WWP2: variants seen among roughly 807,000 people sequenced by gnomAD.
WWP2 encodes WW domain containing E3 ubiquitin protein ligase 2.
In WWP2, 57 loss-of-function variants were observed where a neutral mutation model predicts 121.0. The observed-to-expected ratio is 0.47, with a 90% CI of 0.38 to 0.59. The LOEUF is 0.59. WWP2 is among the 20% of genes least tolerant of loss of function. The pLI is 0.00. For missense variants in WWP2, 962 were observed against 1,158.9 expected, an observed-to-expected ratio of 0.83 and a Z score of 2.47; for synonymous variants, 449 against 441.3, an observed-to-expected ratio of 1.02 and a Z score of -0.22.
At chr16:69,895,449 A>G (rs554174925) in intron 8 of WWP2, among the ~76,000 whole-genome samples, 12 of 152,342 alleles carry the variant, frequency 7.9e-5, no homozygotes, top group African/African-American at 2.9e-4. Flanking sequence ...ACACATGTGG[A>G]TATTACAGCA....
At chr16:69,898,892 CG>C (rs781536706) in intron 8 of WWP2, among the ~76,000 whole-genome samples, 2 of 152,100 alleles carry the variant, frequency 1.3e-5, no homozygotes, top group Non-Finnish European at 2.9e-5. Flanking sequence ...TTAGTAGAGA[CG>C]GGAATTCACC....
intron 19 of WWP2, 167 bp from the exon 20 acceptor site, chr16:69,936,951 A>T: frequency 1.2e-6 from 1 of 859,716 alleles, no homozygotes. Flanking sequence ...GGTCACTGTG[A>T]GGTTTTCAGG....
chr16:69,807,037 T>C (rs550161953), intron 4 of WWP2, among the ~76,000 whole-genome samples: 5 of 152,066 alleles, frequency 3.3e-5, no homozygotes, highest in African/African-American at 1.2e-4. Flanking sequence ...TCTTTGTCTT[T>C]TTTTTTTTGA....
At chr16:69,767,892 C>A (rs947977711) in intron 1 of WWP2, among the ~76,000 whole-genome samples, 1 of 152,206 alleles carries the variant, frequency 6.6e-6, no homozygotes, top group Non-Finnish European at 1.5e-5. Context: ...GGCTGAAGTA[C>A]AGTGGCATGA....
At chr16:69,765,984 T>C (rs1174746309) in intron 1 of WWP2, among the ~76,000 whole-genome samples, 1 of 152,116 alleles carries the variant, frequency 6.6e-6, no homozygotes, top group African/African-American at 2.4e-5. Context: ...CTCTAAATAC[T>C]ATCCACATGC....
At position 69,774,966 on chromosome 16, in the gene WWP2, C is replaced by CA. The variant is rs58896866; in HGVS notation, c.-15-12014dup. ...CCTGGGTGACAGAGCAAGACTGTCTCAAAAAAAAAAAAAAAAGAAAAGAAA... is the reference window on the plus strand; with the variant it reads ...CCTGGGTGACAGAGCAAGACTGTCTCAAAAAAAAAAAAAAAAAGAAAAGAAA... On this transcript the variant is annotated intron_variant, in intron 1 of 23. Transcript: ENST00000359154. 318 of 88,698 alleles carry CA rather than the reference C, an allele frequency of 3.6e-3. 2 individuals carry two copies. In the Middle Eastern group the frequency reaches 0.037, roughly 10 times the overall value. The allele number at this position is 88,698 out of a possible 1,614,324, so 5.5% of individuals were successfully genotyped here.
intron 2 of WWP2, among the ~76,000 whole-genome samples, chr16:69,796,023 T>TC (rs986246968): frequency 6.6e-6 from 1 of 151,596 alleles, no homozygotes; most frequent in African/African-American, 2.4e-5. Flanking sequence ...TTTCTTTCTT[T>TC]TTTTTTTTGC....
Position 69,868,282 on chromosome 16 carries a change from A to G in WWP2, c.576-3522A>G, listed in dbSNP as rs1341256284. Reference sequence around the variant, plus strand: ...GGGCTGATCCCGCCCTGCCCAGCCCATCATTCAGGGTAAGCCGCTATCATT... The same window carrying G: ...GGGCTGATCCCGCCCTGCCCAGCCCGTCATTCAGGGTAAGCCGCTATCATT... On this transcript the variant is annotated intron_variant, in intron 6 of 23. Transcript: ENST00000359154. Among the ~76,000 whole-genome samples the G allele has an allele frequency of 3.3e-5, 5 of 151,970 alleles. 1 individual carries two copies. The highest frequency in any genetic ancestry group is 1.3e-4 in the Admixed American group (2 of 15,276).
Position 69,799,377 on chromosome 16 carries a change from C to T in WWP2, c.340+82C>T, listed in dbSNP as rs888914380. On this transcript the variant is annotated intron_variant, in intron 4 of 23. Coordinates refer to ENST00000359154, the MANE Select transcript of WWP2 (RefSeq NM_001270454.2). This position sits in a 1 kb window ranked among gnomAD's most constrained non-coding sequence, Gnocchi z 4.5. ...GCAGATCAACCTGGTATTGCAATTT[C>T]CCCCAGGACTAGGGGCTGCAGTACC... 15 of 1,539,580 alleles carry T rather than the reference C, an allele frequency of 9.7e-6. No individual in the cohort carries two copies. Among genetic ancestry groups the T allele is most frequent in the Non-Finnish European group, 1.3e-5 (15 of 1,140,776 alleles).
intron 4 of WWP2, among the ~76,000 whole-genome samples, chr16:69,812,080 T>C (rs540582886): frequency 1.5e-4 from 23 of 152,118 alleles, no homozygotes; most frequent in Admixed American, 3.9e-4. Flanking sequence ...TCCTGTGTCT[T>C]TAAATCTGGA....
At chr16:69,832,436 A>G (rs764961004) in intron 4 of WWP2, among the ~76,000 whole-genome samples, 1 of 152,188 alleles carries the variant, frequency 6.6e-6, no homozygotes, top group African/African-American at 2.4e-5. Context: ...CATGATGCCA[A>G]TTTCATACCT....
At chr16:69,870,674 G>C (rs1017886985) in intron 6 of WWP2, among the ~76,000 whole-genome samples, 1 of 152,148 alleles carries the variant, frequency 6.6e-6, no homozygotes, top group Non-Finnish European at 1.5e-5. Context: ...CTGTTTCTCT[G>C]TCTGGAGAGG....
intron 7 of WWP2, among the ~76,000 whole-genome samples, chr16:69,876,282 A>G (rs2057733956): frequency 6.6e-6 from 1 of 151,400 alleles, no homozygotes; most frequent in Admixed American, 6.6e-5. Flanking sequence ...CACATCCATC[A>G]GAGGAATCAT....
At chr16:69,828,069 CTTT>C in intron 4 of WWP2, 1 of 314,688 alleles carries the variant, frequency 3.2e-6, no homozygotes, top group East Asian at 8.6e-5. Flanking sequence ...TGCATATGTA[CTTT>C]TTTTTTTAAG....
intron 8 of WWP2, among the ~76,000 whole-genome samples, chr16:69,904,985 G>A (rs1400297167): frequency 2.6e-5 from 4 of 152,204 alleles, no homozygotes; most frequent in African/African-American, 9.6e-5. Context: ...ACCCAAATTA[G>A]GAGTATATGT....
chr16:69,820,435 G>T (rs1286594958), intron 4 of WWP2, among the ~76,000 whole-genome samples: 1 of 78,778 alleles, frequency 1.3e-5, no homozygotes, highest in African/African-American at 3.0e-5. Context: ...GTAGAGATGG[G>T]ATTTCACCAT....
At chr16:69,890,291 G>A (rs192556933) in intron 8 of WWP2, among the ~76,000 whole-genome samples, 23 of 152,166 alleles carry the variant, frequency 1.5e-4, no homozygotes, top group African/African-American at 1.9e-4. Context: ...CCTAACTCCC[G>A]TCTGTTCAGA....
At chr16:69,869,579 CAA>C (rs1327186632) in intron 6 of WWP2, among the ~76,000 whole-genome samples, 1 of 151,886 alleles carries the variant, frequency 6.6e-6, no homozygotes, top group African/African-American at 2.4e-5. Flanking sequence ...CTCTTGAGCT[CAA>C]GTGCCGTCCC....
intron 8 of WWP2, among the ~76,000 whole-genome samples, chr16:69,902,712 C>T (rs939843694): frequency 5.3e-5 from 8 of 152,074 alleles, no homozygotes; most frequent in Non-Finnish European, 1.0e-4. Flanking sequence ...GACAGGGATG[C>T]GCTGATGAAA....
Sources: gnomAD v4.1 joint callset for allele counts (sites outside exome capture counted in the v4.1 genomes callset) on GRCh38, gnomAD v4.1.1 for gene constraint, Gnocchi (gnomAD v3.1) non-coding constraint, MANE v1.5 for transcripts, NCBI Gene and HGNC (gene_info 2026-07-23, HGNC 2026-07-21) for gene names.